The following SLC30A8 variants were observed in gnomAD, a reference collection of about 807,000 sequenced individuals.
SLC30A8 encodes the protein proton-coupled zinc antiporter SLC30A8.
In SLC30A8, 27 loss-of-function variants were observed where a neutral mutation model predicts 36.9. The observed-to-expected ratio is 0.73, with a 90% CI of 0.54 to 1.01. The LOEUF (loss-of-function observed/expected upper bound fraction) is 1.01, where lower values mean the gene tolerates loss of function less well. SLC30A8 is among the 50% of genes least tolerant of loss of function. SLC30A8 has a pLI of 0.00. For synonymous variants in SLC30A8, 164 were observed against 172.4 expected, an observed-to-expected ratio of 0.95 and a Z score of 0.38; for missense variants, 439 against 452.0, an observed-to-expected ratio of 0.97 and a Z score of 0.26.
chr8:117,056,320 T>C (rs1798808208), intron 2 of SLC30A8, among the ~76,000 whole-genome samples: 1 of 152,168 alleles, frequency 6.6e-6, no homozygotes, highest in African/African-American at 2.4e-5. Flanking sequence ...CTCTTGCTGC[T>C]TCCCTTTCCC....
intron 2 of SLC30A8, among the ~76,000 whole-genome samples, chr8:117,147,774 C>T (rs1821967084): frequency 6.6e-6 from 1 of 152,130 alleles, no homozygotes; most frequent in Non-Finnish European, 1.5e-5. Context: ...GATTCTGACT[C>T]CAAATCTTAA....
chr8:117,035,226 A>T (rs923043663), intron 1 of SLC30A8, among the ~76,000 whole-genome samples: 7 of 152,354 alleles, frequency 4.6e-5, no homozygotes, highest in African/African-American at 1.7e-4. Context: ...GAAACAAGGC[A>T]AGTTTCTTCT....
In SLC30A8 at chr8:117,157,722, C is replaced by G; in HGVS notation, c.450C>G (p.Cys150Trp). Residue 150 changes from cysteine (C) to tryptophan (W), a missense_variant, in exon 4 of 8, where the codon TGC becomes TGG. By Grantham distance (215) the Cys-to-Trp change is radical (BLOSUM62 -2). Transcript: ENST00000456015. ...TTGGTGCCCTGCTCTCCATCCTGTG[C>G]ATCTGGGTGGTGACTGGCGTGCTAG... is the stretch of plus-strand genomic sequence containing the variant. Reference protein sequence around the residue: ...EILGALLSILCIWVVTGVLVY... With the variant: ...EILGALLSILWIWVVTGVLVY... The G allele has an allele frequency of 6.2e-7, 1 of 1,614,060 alleles. No homozygotes were observed. Among genetic ancestry groups the G allele is most frequent in the South Asian group, 1.1e-5 (1 of 91,068 alleles).
chr8:116,990,203 C>T (rs556385599), intron 1 of SLC30A8, among the ~76,000 whole-genome samples: 65 of 152,002 alleles, frequency 4.3e-4, no homozygotes, highest in African/African-American at 1.5e-3. Context: ...TTCCCATTTT[C>T]CTGCTTGTTC....
chr8:117,094,466 G>A (rs1436725079), intron 2 of SLC30A8, among the ~76,000 whole-genome samples: 1 of 152,214 alleles, frequency 6.6e-6, no homozygotes, highest in African/African-American at 2.4e-5. Context: ...GCTCCTCTCT[G>A]CAGGCAGTGT....
chr8:117,129,390 C>CTTCT (rs1292530578), intron 2 of SLC30A8, among the ~76,000 whole-genome samples: 1 of 151,934 alleles, frequency 6.6e-6, no homozygotes, highest in East Asian at 1.9e-4. Flanking sequence ...AATGATGATT[C>CTTCT]TAAGAAGTGA....
At chr8:117,004,044 T>C (rs1816096014) in intron 1 of SLC30A8, among the ~76,000 whole-genome samples, 1 of 152,220 alleles carries the variant, frequency 6.6e-6, no homozygotes, top group Non-Finnish European at 1.5e-5. Context: ...TGGTGGATGA[T>C]ATTGAAAATT....
At chr8:117,015,672 A>G (rs1816494747) in intron 1 of SLC30A8, among the ~76,000 whole-genome samples, 1 of 151,920 alleles carries the variant, frequency 6.6e-6, no homozygotes, top group Non-Finnish European at 1.5e-5. Flanking sequence ...GGAGGGGAGC[A>G]TTTTTCCTCA....
chr8:117,059,240 G>A (rs1817960634), intron 2 of SLC30A8, among the ~76,000 whole-genome samples: 1 of 152,184 alleles, frequency 6.6e-6, no homozygotes, highest in South Asian at 2.1e-4. Context: ...TGACTTCAGG[G>A]AAAGTTGTTT....
chr8:116,978,932 C>CT (rs927557146), intron 1 of SLC30A8, among the ~76,000 whole-genome samples: 13 of 142,592 alleles, frequency 9.1e-5, no homozygotes, highest in East Asian at 2.0e-4. Flanking sequence ...TTCTTTTTTT[C>CT]TTTTTTTTTT....
chr8:116,959,726 A>G (rs1814351316), intron 1 of SLC30A8, among the ~76,000 whole-genome samples: 1 of 152,146 alleles, frequency 6.6e-6, no homozygotes, highest in Non-Finnish European at 1.5e-5. Context: ...TACTCTGTCC[A>G]AGGTCTTATG....
At chr8:117,114,039 G>A (rs1369974959) in intron 2 of SLC30A8, among the ~76,000 whole-genome samples, 1 of 152,058 alleles carries the variant, frequency 6.6e-6, no homozygotes, top group African/African-American at 2.4e-5. Context: ...CCCAGATGTT[G>A]GAGAACAGTA....
chr8:117,116,638 A>C (rs777023805), intron 2 of SLC30A8, among the ~76,000 whole-genome samples: 4 of 151,982 alleles, frequency 2.6e-5, no homozygotes, highest in Non-Finnish European at 5.9e-5. Flanking sequence ...TTCATTACAC[A>C]TTACTCCCAG....
intron 1 of SLC30A8, among the ~76,000 whole-genome samples, chr8:117,021,982 A>G (rs1225822784): frequency 1.3e-5 from 2 of 151,976 alleles, no homozygotes; most frequent in Non-Finnish European, 2.9e-5. Context: ...TCTTGATACT[A>G]GATAAATTGT....
At chr8:116,955,299 T>C (rs541877047) in intron 1 of SLC30A8, among the ~76,000 whole-genome samples, 1 of 152,230 alleles carries the variant, frequency 6.6e-6, no homozygotes, top group Admixed American at 6.5e-5. Context: ...ATGACTAGTG[T>C]CCTTCTAAGA....
chr8:117,050,980 G>C (rs56064807), intron 2 of SLC30A8, among the ~76,000 whole-genome samples: 3 of 152,162 alleles, frequency 2.0e-5, no homozygotes, highest in Non-Finnish European at 2.9e-5. Context: ...CTGATAAATA[G>C]GTTTCTAATA....
At chr8:117,009,816 T>G (rs1816289256) in intron 1 of SLC30A8, among the ~76,000 whole-genome samples, 1 of 152,188 alleles carries the variant, frequency 6.6e-6, no homozygotes, top group Non-Finnish European at 1.5e-5. Context: ...GGTCCACAAT[T>G]CACATAAAAT....
intron 1 of SLC30A8, among the ~76,000 whole-genome samples, chr8:116,959,858 T>C (rs73310296): frequency 1.4e-4 from 22 of 152,354 alleles, no homozygotes; most frequent in African/African-American, 5.1e-4. Flanking sequence ...TTTTCTTATA[T>C]GCATGTGTTT....
chr8:117,128,355 T>G (rs1820994925), intron 2 of SLC30A8: 3 of 152,098 alleles, frequency 2.0e-5, no homozygotes, highest in African/African-American at 7.2e-5. Context: ...TCATTATTGA[T>G]GCTTCATTAC....
Sources: gnomAD v4.1 joint callset for allele counts (sites outside exome capture counted in the v4.1 genomes callset) on GRCh38, gnomAD v4.1.1 for gene constraint, MANE v1.5 for transcripts, NCBI Gene and HGNC (gene_info 2026-07-23, HGNC 2026-07-21) for gene names.